VAV3: variants seen among roughly 807,000 people sequenced by gnomAD.
The protein encoded by VAV3 is vav guanine nucleotide exchange factor 3.
Under a neutral mutation model 131.2 loss-of-function variants are expected in VAV3, and 94 were observed. The ratio of observed to expected loss-of-function variants is 0.72; its 90% CI spans 0.61 to 0.85. The LOEUF is 0.85. Ranked by LOEUF, VAV3 falls within the 40% of genes least tolerant of loss-of-function variation. The probability of loss-of-function intolerance (pLI) is 0.00; values close to 1 mark genes in which losing one functional copy is unlikely to be tolerated. For synonymous variants in VAV3, 349 were observed against 342.0 expected (o/e 1.02, Z -0.22); for missense variants, 939 against 1,002.7 (o/e 0.94, Z 0.86).
intron 25 of VAV3, among the ~76,000 whole-genome samples, chr1:107,584,537 C>A (rs1433135054): frequency 6.6e-6 from 1 of 152,002 alleles, no homozygotes; most frequent in Non-Finnish European, 1.5e-5. Flanking sequence ...CCAGAATCTA[C>A]AATGAACTCA....
In VAV3 at chr1:107,757,972, C is replaced by T. The variant is rs1042398530; in HGVS notation, c.1018-643G>A. Among the ~76,000 whole-genome samples, 10 of 152,280 alleles carry T rather than the reference C, an allele frequency of 6.6e-5. No individual in the cohort carries two copies. The South Asian group carries it at 1.9e-3, about 28-fold the overall frequency. On this transcript the variant is annotated intron_variant, in intron 10 of 26. Transcript: ENST00000370056. ...GTATGTGCTCAACCCAAAATTCACA[C>T]GAGTCCCGGACTCATCCGTCCAACT...
At chr1:107,910,142 T>C (rs1672299398) in intron 1 of VAV3, among the ~76,000 whole-genome samples, 1 of 152,228 alleles carries the variant, frequency 6.6e-6, no homozygotes, top group Non-Finnish European at 1.5e-5. Flanking sequence ...GAGGTTATTC[T>C]GAATGCCCAA....
At chr1:107,723,213 G>T (rs984003900) in intron 15 of VAV3, among the ~76,000 whole-genome samples, 9 of 152,088 alleles carry the variant, frequency 5.9e-5, no homozygotes, top group African/African-American at 2.2e-4. Flanking sequence ...CAAAACAACA[G>T]TAACAACAAA....
At chr1:107,700,372 T>C (rs1454069466) in intron 17 of VAV3, among the ~76,000 whole-genome samples, 1 of 152,238 alleles carries the variant, frequency 6.6e-6, no homozygotes, top group Non-Finnish European at 1.5e-5. Context: ...ACGCGTGCCA[T>C]GGTGGTTTGC....
At position 107,674,257 on chromosome 1, in the gene VAV3, T is replaced by C. The variant is rs148290520; in HGVS notation, c.1777+9231A>G. ...GCAGAGTGAGTTCTGCTGGGTGTCA[T>C]ACACATGGCGTGTTTCAGTGCCAGT... On this transcript the variant is annotated intron_variant, in intron 19 of 26. Coordinates refer to ENST00000370056, the MANE Select transcript of VAV3 (RefSeq NM_006113.5). Among the ~76,000 whole-genome samples, 14 of 152,348 alleles carry C rather than the reference T, an allele frequency of 9.2e-5. No individual in the cohort carries two copies. The East Asian group carries it at 2.7e-3, about 29-fold the overall frequency.
At chr1:107,574,269 A>G in intron 25 of VAV3, 71 bp from the exon 26 acceptor site, 1 of 1,542,154 alleles carries the variant, frequency 6.5e-7, no homozygotes, top group African/African-American at 1.4e-5. Context: ...TAATCAGATG[A>G]ATGTTATTGA....
At chr1:107,619,643 A>G (rs2101240910) in intron 20 of VAV3, among the ~76,000 whole-genome samples, 1 of 152,294 alleles carries the variant, frequency 6.6e-6, no homozygotes, top group Non-Finnish European at 1.5e-5. Flanking sequence ...AAATAAGTCT[A>G]TTTTGCGAGG....
At chr1:107,935,951 C>T (rs949409305) in intron 1 of VAV3, among the ~76,000 whole-genome samples, 1 of 152,228 alleles carries the variant, frequency 6.6e-6, no homozygotes, top group Admixed American at 6.5e-5. Flanking sequence ...TGAAAATACC[C>T]CATCAGTTGA....
chr1:107,584,184 C>T (rs1407726199), intron 25 of VAV3, among the ~76,000 whole-genome samples: 2 of 152,124 alleles, frequency 1.3e-5, no homozygotes, highest in African/African-American at 4.8e-5. Context: ...ATAAATGGTG[C>T]TGGGAAAACT....
At position 107,652,640 on chromosome 1, in the gene VAV3, T is replaced by G. The variant is rs369269358; in HGVS notation, c.1778-9885A>C. 1.7e-3 allele frequency among the ~76,000 whole-genome samples: 252 copies of G among 152,282 alleles called. 1 individual carries two copies. Among genetic ancestry groups the G allele is most frequent in the African/African-American group, 5.8e-3 (242 of 41,550 alleles). On this transcript the variant is annotated intron_variant, in intron 19 of 26. Transcript: ENST00000370056. ...TCTTGTTTTCATATATATATTTATA[T>G]TGCCTAAATTTGTATGATAAACATT...
chr1:107,934,942 A>C (rs1387771349), intron 1 of VAV3, among the ~76,000 whole-genome samples: 1 of 152,222 alleles, frequency 6.6e-6, no homozygotes, highest in African/African-American at 2.4e-5. Flanking sequence ...TGAGGAGAAG[A>C]GTTGGTAGTA....
At position 107,749,020 on chromosome 1, in the gene VAV3, A is replaced by G. The variant is rs747713918; in HGVS notation, c.1450T>C (p.Cys484Arg). 2 of 1,612,650 alleles carry G rather than the reference A, an allele frequency of 1.2e-6. No individual in the cohort carries two copies. Among genetic ancestry groups the G allele is most frequent in the Non-Finnish European group, 1.7e-6 (2 of 1,179,372 alleles). Residue 484 changes from cysteine to arginine, a missense_variant, in exon 15 of 27, where the codon TGC (cysteine) becomes CGC (arginine). By Grantham distance (180) the Cys-to-Arg change is radical. Transcript: ENST00000370056. ...TTCTTCTTTAAATCTTTTGTTTTGC[A>G]ATAAAATTCTAACCCATTTTGTCCT... is the stretch of plus-strand genomic sequence containing the variant. ...TQGQNGLEFY[C>R]KTKDLKKKWL...
intron 17 of VAV3, among the ~76,000 whole-genome samples, chr1:107,692,724 T>A (rs1659501800): frequency 6.6e-6 from 1 of 152,176 alleles, no homozygotes; most frequent in Non-Finnish European, 1.5e-5. Flanking sequence ...TAGGAGTGGC[T>A]ATAGCAGCAG....
chr1:107,668,561 T>G (rs1657569062), intron 19 of VAV3: 11 of 897,590 alleles, frequency 1.2e-5, no homozygotes, highest in Non-Finnish European at 1.5e-5. Context: ...GATTGACATA[T>G]AAATCATACA....
chr1:107,896,840 T>C (rs938426159), intron 1 of VAV3, among the ~76,000 whole-genome samples: 8 of 152,300 alleles, frequency 5.3e-5, no homozygotes, highest in Non-Finnish European at 1.2e-4. Context: ...TATGAAACAT[T>C]TGCCAGTTAG....
At chr1:107,730,392 T>C (rs979887179) in intron 15 of VAV3, among the ~76,000 whole-genome samples, 20 of 152,210 alleles carry the variant, frequency 1.3e-4, no homozygotes, top group Non-Finnish European at 2.2e-4. Context: ...TCCTTCTCAG[T>C]TCCTTTACTT....
rs184782102 is a variant in VAV3, at chr1:107,718,219, A to G, written c.1503-13158T>C. On this transcript the variant is annotated intron_variant, in intron 15 of 26. Transcript: ENST00000370056. The stretch of plus-strand genomic sequence containing the variant: ...AAGTTCTGGCCAGGGCAATCAAGCA[A>G]GAGAAAGAAATAAAGGGTATTCAAT... 9.0e-3 allele frequency among the ~76,000 whole-genome samples: 1,365 copies of G among 152,216 alleles called. 23 individuals are homozygous for G. The highest frequency in any genetic ancestry group is 0.031 in the African/African-American group (1,308 of 41,534).
chr1:107,746,528 C>T (rs1249627011), intron 15 of VAV3, among the ~76,000 whole-genome samples: 3 of 152,178 alleles, frequency 2.0e-5, no homozygotes, highest in African/African-American at 2.4e-5. Flanking sequence ...CGTACATACC[C>T]CTATATGTAT....
At chr1:107,731,032 G>A (rs1398944249) in intron 15 of VAV3, among the ~76,000 whole-genome samples, 1 of 152,034 alleles carries the variant, frequency 6.6e-6, no homozygotes, top group Non-Finnish European at 1.5e-5. Context: ...ATCAGATTGG[G>A]CATTATCCAA....
Sources: allele counts gnomAD v4.1 joint callset (sites outside exome capture counted in the v4.1 genomes callset), GRCh38; gene constraint gnomAD v4.1.1; transcripts MANE v1.5; gene names NCBI Gene and HGNC (gene_info 2026-07-23, HGNC 2026-07-21).